CLASP1: variants seen among roughly 807,000 people sequenced by gnomAD.
The protein encoded by CLASP1 is cytoplasmic linker associated protein 1.
CLASP1 carries 38 observed loss-of-function variants against 192.3 expected under a neutral mutation model. The ratio of observed to expected loss-of-function variants is 0.20; its 90% CI spans 0.15 to 0.26. CLASP1 has a LOEUF of 0.26. Ranked by LOEUF, CLASP1 falls within the 10% of genes least tolerant of loss-of-function variation. The pLI is 1.00. For synonymous variants in CLASP1, 691 were observed against 712.8 expected (o/e 0.97, Z 0.49); for missense variants, 1,433 against 1,932.5 (o/e 0.74, Z 4.85).
chr2:121,557,939 G>A (rs2058724297), intron 2 of CLASP1, among the ~76,000 whole-genome samples: 1 of 151,346 alleles, frequency 6.6e-6, no homozygotes. Flanking sequence ...AAATTAGCCG[G>A]GCATGGTGGT....
At chr2:121,545,631 C>T (rs1044177145) in intron 2 of CLASP1, among the ~76,000 whole-genome samples, 17 of 152,138 alleles carry the variant, frequency 1.1e-4, no homozygotes, top group African/African-American at 4.1e-4. Flanking sequence ...TCTGCATTTC[C>T]TGCAGATGAA....
At chr2:121,473,968 G>A (rs1022951768) in intron 8 of CLASP1, among the ~76,000 whole-genome samples, 43 of 152,190 alleles carry the variant, frequency 2.8e-4, no homozygotes, top group Non-Finnish European at 5.9e-4. Flanking sequence ...AAGGAAAAAT[G>A]ATACCAGTTG....
intron 8 of CLASP1, among the ~76,000 whole-genome samples, chr2:121,478,764 ACACACCCCACACACACACCC>A (rs2092083113): frequency 1.6e-5 from 1 of 63,502 alleles, no homozygotes; most frequent in South Asian, 5.6e-4. Flanking sequence ...CACACACACC[ACACACCCCACACACACACCC>A]CACACACACC....
intron 35 of CLASP1, among the ~76,000 whole-genome samples, chr2:121,366,746 G>C (rs930127445): frequency 8.5e-5 from 13 of 152,126 alleles, no homozygotes; most frequent in Non-Finnish European, 1.8e-4. Context: ...AATAAAACAG[G>C]CTTCAAAACA....
intron 19 of CLASP1, among the ~76,000 whole-genome samples, chr2:121,441,633 G>T (rs2083361415): frequency 6.6e-6 from 1 of 151,962 alleles, no homozygotes; most frequent in Admixed American, 6.6e-5. Context: ...CTGACAGACA[G>T]GGTGGGGAGC....
chr2:121,447,327 G>A lies in CLASP1; in HGVS notation c.1912+10C>T. 2 of 1,586,590 alleles carry A rather than the reference G, an allele frequency of 1.3e-6. No homozygotes were observed. Among genetic ancestry groups the A allele is most frequent in the Non-Finnish European group, 1.7e-6 (2 of 1,166,630 alleles). On this transcript the variant is annotated intron_variant, in intron 19 of 39. Transcript: ENST00000263710. ...GTGCAGGAGGGAAAGGGTGACAGGGGTGTGGTTACCTAAGGATGCGTATGA... is the reference window on the plus strand; with the variant it reads ...GTGCAGGAGGGAAAGGGTGACAGGGATGTGGTTACCTAAGGATGCGTATGA...
At chr2:121,516,541 C>A (rs929936788) in intron 6 of CLASP1, among the ~76,000 whole-genome samples, 4 of 152,186 alleles carry the variant, frequency 2.6e-5, no homozygotes, top group African/African-American at 9.7e-5. Flanking sequence ...AAGAAAGCAG[C>A]ATGAAATACG....
chr2:121,429,476 A>G (rs549875805), intron 20 of CLASP1, among the ~76,000 whole-genome samples: 12 of 152,202 alleles, frequency 7.9e-5, no homozygotes, highest in Non-Finnish European at 1.6e-4. Flanking sequence ...CCAAGTGAGG[A>G]TCTGAAGTGT....
At chr2:121,450,826 A>T in intron 16 of CLASP1, 87 bp downstream of exon 16, 1 of 915,936 alleles carries the variant, frequency 1.1e-6, no homozygotes, top group Non-Finnish European at 1.7e-6. Flanking sequence ...ATGTTCAAGT[A>T]ACTTAAGTTT....
At chr2:121,437,278 T>C (rs1047857570) in intron 19 of CLASP1, among the ~76,000 whole-genome samples, 3 of 152,218 alleles carry the variant, frequency 2.0e-5, no homozygotes, top group African/African-American at 7.2e-5. Context: ...TTGATTTTAA[T>C]AATGTACTAC....
chr2:121,515,899 T>C (rs79295629), intron 6 of CLASP1, 137 bp from the exon 7 acceptor site: 18,513 of 676,370 alleles, frequency 0.027, 394 homozygotes, highest in African/African-American at 0.061. Context: ...CTTATATACA[T>C]TTGTCTAGAG....
intron 36 of CLASP1, 83 bp downstream of exon 37, chr2:121,365,011 G>A (rs780159910): frequency 2.4e-6 from 3 of 1,267,986 alleles, no homozygotes; most frequent in Non-Finnish European, 3.4e-6. Context: ...AGAAAGTAAA[G>A]CTGAAGCTAA....
intron 35 of CLASP1, among the ~76,000 whole-genome samples, chr2:121,366,972 C>T (rs773089289): frequency 2.6e-5 from 4 of 152,220 alleles, no homozygotes; most frequent in Admixed American, 2.6e-4. Flanking sequence ...TATATGCTTA[C>T]GTTACATTTT....
At chr2:121,421,110 A>G (rs2079426736) in intron 22 of CLASP1, among the ~76,000 whole-genome samples, 1 of 152,230 alleles carries the variant, frequency 6.6e-6, no homozygotes. Flanking sequence ...GAGCTTTGGC[A>G]TCATTTACTC....
chr2:121,491,310 G>C (rs1472431315), intron 8 of CLASP1, among the ~76,000 whole-genome samples: 5 of 152,126 alleles, frequency 3.3e-5, no homozygotes, highest in African/African-American at 1.2e-4. Context: ...ATTTATTATA[G>C]AATTATCATG....
intron 2 of CLASP1, among the ~76,000 whole-genome samples, chr2:121,584,009 C>T (rs2061472227): frequency 6.6e-6 from 1 of 152,144 alleles, no homozygotes; most frequent in South Asian, 2.1e-4. Flanking sequence ...GAGGATGCAG[C>T]AACAAGGTAT....
chr2:121,517,685 T>A (rs1338816563), intron 6 of CLASP1, among the ~76,000 whole-genome samples: 1 of 151,574 alleles, frequency 6.6e-6, no homozygotes, highest in Non-Finnish European at 1.5e-5. Context: ...TGAGCGCCCA[T>A]CTCTACAAAA....
At chr2:121,642,773 G>C (rs948744967) in intron 1 of CLASP1, among the ~76,000 whole-genome samples, 16 of 152,052 alleles carry the variant, frequency 1.1e-4, no homozygotes, top group African/African-American at 3.9e-4. Flanking sequence ...GCCATATTAA[G>C]CAAAATGACA....
At chr2:121,431,122 C>T (rs1025111259) in intron 19 of CLASP1, among the ~76,000 whole-genome samples, 40 of 151,720 alleles carry the variant, frequency 2.6e-4, no homozygotes, top group African/African-American at 9.0e-4. Flanking sequence ...CCCCCACAAG[C>T]GACAAAGCTT....
Sources: gnomAD v4.1 joint callset for allele counts (sites outside exome capture counted in the v4.1 genomes callset) on GRCh38, gnomAD v4.1.1 for gene constraint, MANE v1.5 for transcripts, NCBI Gene and HGNC (gene_info 2026-07-23, HGNC 2026-07-21) for gene names.